TRPM3: variants seen among roughly 807,000 people sequenced by gnomAD.
TRPM3 encodes transient receptor potential cation channel subfamily M member 3.
TRPM3 carries 77 observed loss-of-function variants against 181.2 expected under a neutral mutation model. That is an observed-to-expected ratio of 0.42 (90% confidence interval 0.35 to 0.51). The LOEUF (loss-of-function observed/expected upper bound fraction) is 0.51. TRPM3 is among the 20% of genes least tolerant of loss of function. The pLI is 0.01. For missense variants in TRPM3, 1,759 were observed against 2,196.7 expected (o/e 0.80, Z 3.98); for synonymous variants, 745 against 796.4 (o/e 0.94, Z 1.09).
At chr9:71,038,101 A>G (rs771182316) in intron 1 of TRPM3, among the ~76,000 whole-genome samples, 1 of 152,268 alleles carries the variant, frequency 6.6e-6, no homozygotes, top group Non-Finnish European at 1.5e-5. Flanking sequence ...ATGGAGTGAC[A>G]GAGTCTAAAG....
At chr9:71,168,610 T>TTTA (rs1438352753) in intron 1 of TRPM3, among the ~76,000 whole-genome samples, 8 of 126,440 alleles carry the variant, frequency 6.3e-5, no homozygotes, top group East Asian at 2.5e-4. Context: ...TTTTTATTTA[T>TTTA]TTTTTTATTA....
At chr9:70,812,681 G>T (rs73647163) in intron 6 of TRPM3, among the ~76,000 whole-genome samples, 17,106 of 152,130 alleles carry the variant, frequency 0.11, 1,110 homozygotes, top group African/African-American at 0.15. Context: ...TTTAGCACAA[G>T]CACTTGTTAA....
intron 1 of TRPM3, among the ~76,000 whole-genome samples, chr9:71,409,378 G>A (rs2093498630): frequency 6.6e-6 from 1 of 152,092 alleles, no homozygotes; most frequent in South Asian, 2.1e-4. Context: ...CACATGCAGA[G>A]ACACACATAG....
At chr9:70,955,281 G>C (rs1228862108) in intron 1 of TRPM3, among the ~76,000 whole-genome samples, 2 of 152,166 alleles carry the variant, frequency 1.3e-5, no homozygotes, top group South Asian at 2.1e-4. Context: ...GTTGGAGGCT[G>C]TTTCCATGTT....
intron 8 of TRPM3, among the ~76,000 whole-genome samples, chr9:70,687,408 T>C (rs928632487): frequency 6.6e-5 from 10 of 152,188 alleles, no homozygotes; most frequent in African/African-American, 2.4e-5. Flanking sequence ...CTGATATTTA[T>C]TTACTATAAA....
At chr9:71,335,121 G>A (rs1409185623) in intron 1 of TRPM3, among the ~76,000 whole-genome samples, 5 of 152,132 alleles carry the variant, frequency 3.3e-5, no homozygotes, top group African/African-American at 4.8e-5. Flanking sequence ...AAAAGCAACT[G>A]TAATCACTTT....
chr9:71,403,276 C>T (rs1588872693), intron 1 of TRPM3, among the ~76,000 whole-genome samples: 1 of 152,154 alleles, frequency 6.6e-6, no homozygotes. Flanking sequence ...GCAATTGTAA[C>T]AGATACCATA....
chr9:70,937,481 C>A (rs1276954013), intron 1 of TRPM3, among the ~76,000 whole-genome samples: 1 of 152,142 alleles, frequency 6.6e-6, no homozygotes, highest in Non-Finnish European at 1.5e-5. Flanking sequence ...CTGAGATAAT[C>A]TTGCAAGATA....
At chr9:70,991,311 C>T (rs1420326202) in intron 1 of TRPM3, among the ~76,000 whole-genome samples, 2 of 152,118 alleles carry the variant, frequency 1.3e-5, no homozygotes, top group African/African-American at 4.8e-5. Context: ...ATAATATTAA[C>T]AGCAGTTGTG....
intron 1 of TRPM3, among the ~76,000 whole-genome samples, chr9:71,133,760 TTA>T (rs1331038107): frequency 5.3e-5 from 8 of 152,200 alleles, no homozygotes; most frequent in Non-Finnish European, 1.0e-4. Context: ...TTTTTAACAT[TTA>T]TATATTCACT....
chr9:71,115,913 G>A (rs964761328), intron 1 of TRPM3, among the ~76,000 whole-genome samples: 1 of 152,190 alleles, frequency 6.6e-6, no homozygotes, highest in Non-Finnish European at 1.5e-5. Flanking sequence ...AGCCTGAGTC[G>A]AAGCCACCAT....
chr9:71,349,590 A>T (rs1431515493), intron 1 of TRPM3, among the ~76,000 whole-genome samples: 1 of 152,220 alleles, frequency 6.6e-6, no homozygotes, highest in Admixed American at 6.5e-5. Context: ...GTTTGCCAAA[A>T]CCAAAACAAA....
At chr9:70,684,724 T>C (rs1164562303) in intron 8 of TRPM3, among the ~76,000 whole-genome samples, 1 of 152,170 alleles carries the variant, frequency 6.6e-6, no homozygotes, top group Non-Finnish European at 1.5e-5. Flanking sequence ...TTTTGGGAGA[T>C]GGTATGTCGA....
intron 1 of TRPM3, among the ~76,000 whole-genome samples, chr9:70,910,459 G>A (rs1377573265): frequency 2.6e-5 from 4 of 152,110 alleles, no homozygotes; most frequent in African/African-American, 7.2e-5. Flanking sequence ...CTGACTAGTA[G>A]TTGTATAAGT....
chr9:70,637,324 G>A (rs2057365979), intron 11 of TRPM3, among the ~76,000 whole-genome samples: 1 of 152,142 alleles, frequency 6.6e-6, no homozygotes, highest in Admixed American at 6.5e-5. Flanking sequence ...ATGCCAATTA[G>A]TGTTAGCTAT....
chr9:71,229,267 CAGA>C lies in TRPM3; in HGVS notation c.183+217383_183+217385del, dbSNP rs777033558. Among the ~76,000 whole-genome samples, 6 of 152,210 alleles carry C rather than the reference CAGA, an allele frequency of 3.9e-5. No individual in the cohort carries two copies. In the South Asian group the frequency reaches 1.2e-3, roughly 32 times the overall value. ...GCTGGGAAAACTGGATTTCCATATG[CAGA>C]AGAATAAAACTAGGCCCCTATCTCT... On this transcript the variant is annotated intron_variant, in intron 1 of 24. Coordinates refer to the TRPM3 transcript ENST00000357533.
intron 19 of TRPM3, among the ~76,000 whole-genome samples, chr9:70,605,828 G>C (rs1431955336): frequency 6.6e-6 from 1 of 152,128 alleles, no homozygotes; most frequent in East Asian, 1.9e-4. Flanking sequence ...TAACTGCCCT[G>C]GTTTTATCAT....
rs193010260 is a variant in TRPM3, at chr9:71,159,841, T to A, written c.183+286812A>T. ...ATTATGTTGACTCTGTCTGCTGAGA[T>A]GTGAGTAGATGAATCACCACAGCCC... On this transcript the variant is annotated intron_variant, in intron 1 of 24. Transcript: ENST00000357533. 4.3e-4 allele frequency among the ~76,000 whole-genome samples: 66 copies of A among 152,308 alleles called. 1 individual carries two copies. In the East Asian group the frequency reaches 6.8e-3, roughly 16 times the overall value.
chr9:70,761,765 C>T (rs1158960755), intron 7 of TRPM3, 41 bp from the exon 8 acceptor site: 1 of 1,577,968 alleles, frequency 6.3e-7, no homozygotes, highest in Non-Finnish European at 8.6e-7. Context: ...CAACCAACTC[C>T]TATTCAGCAA....
Sources: allele counts gnomAD v4.1 joint callset (sites outside exome capture counted in the v4.1 genomes callset), GRCh38; gene constraint gnomAD v4.1.1; transcripts MANE v1.5; gene names NCBI Gene and HGNC (gene_info 2026-07-23, HGNC 2026-07-21).